The following GCNT4 variants were observed in gnomAD, a reference collection of about 807,000 sequenced individuals.
GCNT4 encodes the protein glucosaminyl (N-acetyl) transferase 4, also known as beta-1,3-galactosyl-O-glycosyl-glycoprotein beta-1,6-N-acetylglucosaminyltransferase 4.
Under a neutral mutation model 31.3 loss-of-function variants are expected in GCNT4, and 17 were observed. That is an observed-to-expected ratio of 0.54 (90% CI 0.37 to 0.81). The LOEUF (loss-of-function observed/expected upper bound fraction) is 0.81, where lower values mean the gene tolerates loss of function less well. Among genes scored for constraint, GCNT4 ranks in the 40% least tolerant of loss-of-function variants. The pLI, the probability that GCNT4 is intolerant of heterozygous loss-of-function variation, is 0.00. For synonymous variants in GCNT4, 158 were observed against 190.6 expected, an observed-to-expected ratio of 0.83 and a Z score of 1.41; for missense variants, 503 against 525.5, an observed-to-expected ratio of 0.96 and a Z score of 0.42.
chr5:75,028,965 T>A lies in GCNT4; in HGVS notation c.1073A>T (p.Asp358Val). 6.2e-7 allele frequency: 1 copy of A among 1,613,960 alleles called. No homozygotes were observed. The highest frequency in any genetic ancestry group is 8.5e-7 in the Non-Finnish European group (1 of 1,179,994). ...AGTCTTACTCTGCAGATCAGACACA[T>A]CCTGGGCTGATCTGGAAATCTCCCC... ...IPGEISRSAQ[D>V]VSDLQSKTRL... The change falls in exon 4 of 4, where the codon GAT (aspartate) becomes GTT (valine). Residue 358 changes from aspartate (D) to valine (V), a missense_variant. Physicochemically the swap from Asp to Val is radical, Grantham distance 152. Coordinates refer to ENST00000652361, the MANE Select transcript of GCNT4 (RefSeq NM_001366737.1).
intron 2 of GCNT4, among the ~76,000 whole-genome samples, chr5:75,050,411 C>T (rs1031002211): frequency 2.6e-5 from 4 of 152,126 alleles, no homozygotes; most frequent in African/African-American, 9.7e-5. Context: ...CTAAGGCTCC[C>T]TCATCTTAAA....
At chr5:75,020,604 C>T (rs1400519510), downstream of GCNT4, among the ~76,000 whole-genome samples, 1 of 152,098 alleles carries the variant, frequency 6.6e-6, no homozygotes, top group Non-Finnish European at 1.5e-5. Context: ...GCTATTCGCC[C>T]ATCCACCCAC....
Position 75,028,943 on chromosome 5 carries a change from C to T in GCNT4, c.1095G>A (p.Lys365=), listed in dbSNP as rs775653495. Reference sequence around the variant, plus strand: ...AGTAATTCCACTTGACAAGGCGAGTCTTACTCTGCAGATCAGACACATCCT... The same window carrying T: ...AGTAATTCCACTTGACAAGGCGAGTTTTACTCTGCAGATCAGACACATCCT... ...SAQDVSDLQS[K]TRLVKWNYYE... The change falls in exon 4 of 4, where the codon AAG becomes AAA. Residue 365 remains lysine (K), a synonymous_variant. Transcript: ENST00000652361. The T allele has an allele frequency of 1.9e-6, 3 of 1,613,980 alleles. No homozygotes were observed. The highest frequency in any genetic ancestry group is 2.2e-5 in the South Asian group (2 of 91,078).
intron 3 of GCNT4, among the ~76,000 whole-genome samples, chr5:75,045,426 C>T (rs147155267): frequency 2.2e-4 from 33 of 152,292 alleles, no homozygotes; most frequent in African/African-American, 6.5e-4. Flanking sequence ...AACATGTCTT[C>T]GAGGTTCATC....
rs1017129273 is a variant in GCNT4, at chr5:75,026,662, A to C, written c.*2014T>G. On this transcript the variant is annotated 3_prime_UTR_variant, in exon 4 of 4. Transcript: ENST00000652361. ...TCGATTCTCACAAAAAAAAAAAAAAAAAAAAAAAAACACTTGTGTGGAAGC... is the reference window on the plus strand; with the variant it reads ...TCGATTCTCACAAAAAAAAAAAAAACAAAAAAAAAACACTTGTGTGGAAGC... The C allele has an allele frequency of 2.2e-4, 33 of 151,208 alleles. No homozygotes were observed. The highest frequency in any genetic ancestry group is 7.0e-4 in the African/African-American group (29 of 41,144). The allele number at this position is 151,208 out of a possible 1,614,324, so 9.4% of individuals were successfully genotyped here. A position where few individuals can be genotyped will look rare whatever the true frequency, so the allele number is the denominator to read the frequency against.
chr5:75,037,209 C>G (rs564396670), intron 3 of GCNT4, among the ~76,000 whole-genome samples: 1 of 152,268 alleles, frequency 6.6e-6, no homozygotes, highest in Admixed American at 6.5e-5. Flanking sequence ...GTCACTGATT[C>G]TCCCTTGGTG....
At chr5:75,041,168 C>T (rs1273346099) in intron 3 of GCNT4, among the ~76,000 whole-genome samples, 1 of 152,242 alleles carries the variant, frequency 6.6e-6, no homozygotes, top group African/African-American at 2.4e-5. Context: ...TCTTGCATCC[C>T]TGTTTGGTGA....
chr5:75,035,296 C>G (rs1349600531), intron 3 of GCNT4, among the ~76,000 whole-genome samples: 1 of 152,240 alleles, frequency 6.6e-6, no homozygotes, highest in South Asian at 2.1e-4. Context: ...CAAAGAAGTA[C>G]AGATGCTTCC....
At chr5:75,043,188 T>C (rs1743357814) in intron 3 of GCNT4, among the ~76,000 whole-genome samples, 1 of 152,212 alleles carries the variant, frequency 6.6e-6, no homozygotes, top group East Asian at 1.9e-4. Context: ...AACTTATATG[T>C]CAACTGTATA....
intron 3 of GCNT4, among the ~76,000 whole-genome samples, chr5:75,034,395 T>A (rs1369356546): frequency 6.6e-6 from 1 of 152,214 alleles, no homozygotes; most frequent in Non-Finnish European, 1.5e-5. Context: ...GGGAACCAGC[T>A]CCTTAGGTCT....
the GCNT4 span, among the ~76,000 whole-genome samples, chr5:75,018,287 G>T: frequency 0.33 from 49,706 of 151,858 alleles, 8,700 homozygotes; most frequent in African/African-American, 0.46. Flanking sequence ...TATTTTTATT[G>T]ATTTATTTTT....
chr5:75,043,870 A>T (rs1050661820), intron 3 of GCNT4, among the ~76,000 whole-genome samples: 1 of 152,234 alleles, frequency 6.6e-6, no homozygotes, highest in African/African-American at 2.4e-5. Flanking sequence ...GTACATTCCT[A>T]TATATAGCCA....
chr5:75,037,735 G>A (rs1580240923), intron 3 of GCNT4, among the ~76,000 whole-genome samples: 1 of 151,690 alleles, frequency 6.6e-6, no homozygotes, highest in Admixed American at 6.6e-5. Flanking sequence ...AAAATTAGCC[G>A]GGCATGGTGG....
chr5:75,044,165 T>C (rs1296097219), intron 3 of GCNT4, among the ~76,000 whole-genome samples: 1 of 152,098 alleles, frequency 6.6e-6, no homozygotes, highest in Admixed American at 6.5e-5. Context: ...GAGAGCTTGT[T>C]ATGTAACAGG....
At chr5:75,024,950 C>CA (rs1239662355), downstream of GCNT4, among the ~76,000 whole-genome samples, 4,571 of 37,218 alleles carry the variant, frequency 0.12, 267 homozygotes, top group East Asian at 0.24. Flanking sequence ...GACTCCATCT[C>CA]AAAAAAAAAA....
chr5:75,045,242 G>T (rs56858051), intron 3 of GCNT4, among the ~76,000 whole-genome samples: 37,961 of 151,986 alleles, frequency 0.25, 5,692 homozygotes, highest in African/African-American at 0.43. Flanking sequence ...ACAGAACACG[G>T]TCATTTTCCA....
chr5:75,045,466 C>T (rs925629675), intron 3 of GCNT4, among the ~76,000 whole-genome samples: 6 of 152,164 alleles, frequency 3.9e-5, no homozygotes, highest in Admixed American at 2.0e-4. Context: ...AAATTTCTTC[C>T]CTTTTTAAGA....
At chr5:75,051,639 G>A (rs1344643004) in intron 2 of GCNT4, among the ~76,000 whole-genome samples, 3 of 152,162 alleles carry the variant, frequency 2.0e-5, no homozygotes, top group Non-Finnish European at 4.4e-5. Context: ...GTCAGTTTGG[G>A]AAGCACCTGT....
chr5:75,044,821 C>T (rs1403928773), intron 3 of GCNT4, among the ~76,000 whole-genome samples: 1 of 151,988 alleles, frequency 6.6e-6, no homozygotes, highest in Non-Finnish European at 1.5e-5. Flanking sequence ...ACTATTTTTA[C>T]AATTTTTCTT....
Sources: gnomAD v4.1 joint callset for allele counts (sites outside exome capture counted in the v4.1 genomes callset) on GRCh38, gnomAD v4.1.1 for gene constraint, MANE v1.5 for transcripts, NCBI Gene and HGNC (gene_info 2026-07-23, HGNC 2026-07-21) for gene names.